Variants in BICC1 observed in about 807,000 individuals in gnomAD.
BICC1 encodes BicC family RNA binding protein 1.
BICC1 carries 43 observed loss-of-function variants against 111.0 expected under a neutral mutation model. The observed-to-expected ratio is 0.39, with a 90% CI of 0.30 to 0.50. The LOEUF (loss-of-function observed/expected upper bound fraction) is 0.50. Ranked by LOEUF, BICC1 falls within the 20% of genes least tolerant of loss-of-function variation. BICC1 has a pLI of 0.88. For synonymous variants in BICC1, 467 were observed against 434.4 expected, an observed-to-expected ratio of 1.07 and a Z score of -0.93; for missense variants, 1,091 against 1,203.2, an observed-to-expected ratio of 0.91 and a Z score of 1.38.
At chr10:58,551,776 A>G (rs1432030507) in intron 1 of BICC1, among the ~76,000 whole-genome samples, 2 of 152,116 alleles carry the variant, frequency 1.3e-5, no homozygotes, top group Non-Finnish European at 2.9e-5. Flanking sequence ...TAGGACTTTT[A>G]TGACTTCTGA....
At position 58,694,640 on chromosome 10, in the gene BICC1, C is replaced by T. The variant is rs147855210; in HGVS notation, c.238-7434C>T. Reference sequence around the variant, plus strand: ...CAGAGTTTAGCAAGTATAACCCTGGCCACTTGACGGCATTCCATTAAAACC... The same window carrying T: ...CAGAGTTTAGCAAGTATAACCCTGGTCACTTGACGGCATTCCATTAAAACC... On this transcript the variant is annotated intron_variant, in intron 2 of 20. Coordinates refer to ENST00000373886, the MANE Select transcript of BICC1 (RefSeq NM_001080512.3). Among the ~76,000 whole-genome samples, 79 of 152,212 alleles carry T rather than the reference C, an allele frequency of 5.2e-4. 2 individuals carry two copies. The East Asian group carries it at 0.014, about 28-fold the overall frequency.
chr10:58,731,126 T>A (rs979067040), intron 3 of BICC1, among the ~76,000 whole-genome samples: 2 of 149,572 alleles, frequency 1.3e-5, no homozygotes, highest in African/African-American at 5.1e-5. Context: ...GCTTAGAAAC[T>A]TTTTTTACCA....
rs535362783 is a variant in BICC1 at position 58,781,347 on chromosome 10, C to T, written c.308-3654C>T. Among the ~76,000 whole-genome samples the T allele has an allele frequency of 4.6e-5, 7 of 152,260 alleles. No individual in the cohort carries two copies. The East Asian group carries it at 5.8e-4, about 13-fold the overall frequency. On this transcript the variant is annotated intron_variant, in intron 3 of 20. Coordinates refer to ENST00000373886, the MANE Select transcript of BICC1 (RefSeq NM_001080512.3). ...CATTTCCTAAATTATAGGTGCCATC[C>T]GTTCATTCAGCAACAGCTTATTGAG...
At position 58,830,381 on chromosome 10, in the gene BICC1, G is replaced by A. The variant is rs971121009; in HGVS notation, c.*1490G>A. 1 of 152,116 alleles carries A rather than the reference G, an allele frequency of 6.6e-6. No individual in the cohort carries two copies. The highest frequency in any genetic ancestry group is 1.5e-5 in the Non-Finnish European group (1 of 68,010). 9.4% of individuals were successfully genotyped at this position (152,116 alleles called of 1,614,324 possible). On this transcript the variant is annotated 3_prime_UTR_variant, in exon 21 of 21. Coordinates refer to ENST00000373886, the MANE Select transcript of BICC1 (RefSeq NM_001080512.3). ...ACTTTCCCATAGGAAATGTTGTCAA[G>A]TTACCTGTACTGTAAAGAGTTATTT...
At position 58,715,000 on chromosome 10, in the gene BICC1, G is replaced by T. The variant is rs1840692936; in HGVS notation, c.307+12857G>T. On this transcript the variant is annotated intron_variant, in intron 3 of 20. Coordinates refer to ENST00000373886, the MANE Select transcript of BICC1 (RefSeq NM_001080512.3). ...TGAGGCAGGAGAATTGCTTGAACCC[G>T]GGAGGTGGAGTGAGCCAAGATCTAA... is the stretch of plus-strand genomic sequence containing the variant. Among the ~76,000 whole-genome samples, 3 of 151,788 alleles carry T rather than the reference G, an allele frequency of 2.0e-5. No homozygotes were observed. In the South Asian group the frequency reaches 6.2e-4, roughly 32 times the overall value.
rs142735854 is a variant in BICC1 at position 58,760,649 on chromosome 10, C to G, written c.308-24352C>G. ...GAGACTCATACAGACATAAATTGAA[C>G]ACGTGTTAAAGATTTTATGAATCTT... is the stretch of plus-strand genomic sequence containing the variant. On this transcript the variant is annotated intron_variant, in intron 3 of 20. Transcript: ENST00000373886. Among the ~76,000 whole-genome samples, 915 of 152,070 alleles carry G rather than the reference C, an allele frequency of 6.0e-3. 8 individuals carry two copies. The Middle Eastern group carries it at 0.061, about 10-fold the overall frequency.
intron 1 of BICC1, among the ~76,000 whole-genome samples, chr10:58,614,660 G>A (rs1845542718): frequency 6.6e-6 from 1 of 152,080 alleles, no homozygotes; most frequent in South Asian, 2.1e-4. Context: ...TATTCATCTG[G>A]AGGTTGAAGG....
At chr10:58,557,338 C>T (rs1843478969) in intron 1 of BICC1, among the ~76,000 whole-genome samples, 2 of 127,180 alleles carry the variant, frequency 1.6e-5, no homozygotes, top group Admixed American at 2.0e-4. Context: ...TGATATATGA[C>T]AGCGTCTTTT....
chr10:58,527,872 G>A (rs1842586181), intron 1 of BICC1, among the ~76,000 whole-genome samples: 1 of 151,902 alleles, frequency 6.6e-6, no homozygotes, highest in African/African-American at 2.4e-5. Context: ...GAATGCAGGT[G>A]TTGCAAAGCT....
chr10:58,560,233 T>C (rs1278386696), intron 1 of BICC1, among the ~76,000 whole-genome samples: 1 of 152,050 alleles, frequency 6.6e-6, no homozygotes, highest in African/African-American at 2.4e-5. Flanking sequence ...ACTGACTCAA[T>C]CTCCTTACTC....
At chr10:58,580,244 G>A (rs988755502) in intron 1 of BICC1, among the ~76,000 whole-genome samples, 3 of 152,068 alleles carry the variant, frequency 2.0e-5, no homozygotes, top group East Asian at 1.9e-4. Flanking sequence ...GGTTGGTCTC[G>A]AACTCCTGTC....
At chr10:58,672,845 G>A (rs540071681) in intron 2 of BICC1, among the ~76,000 whole-genome samples, 31 of 152,208 alleles carry the variant, frequency 2.0e-4, no homozygotes, top group Non-Finnish European at 3.8e-4. Context: ...GTTATATTGA[G>A]GGAATTTGAA....
intron 2 of BICC1, among the ~76,000 whole-genome samples, chr10:58,653,404 A>G (rs1588975813): frequency 6.6e-6 from 1 of 152,144 alleles, no homozygotes; most frequent in Admixed American, 6.6e-5. Context: ...CAAATGCTTG[A>G]TAAATCACAT....
At chr10:58,515,645 G>A (rs1469643183) in intron 1 of BICC1, among the ~76,000 whole-genome samples, 1 of 152,204 alleles carries the variant, frequency 6.6e-6, no homozygotes, top group Non-Finnish European at 1.5e-5. Context: ...AAACACAAGT[G>A]TGAGCACTGG....
At chr10:58,593,708 C>G (rs1039395929) in intron 1 of BICC1, among the ~76,000 whole-genome samples, 4 of 151,986 alleles carry the variant, frequency 2.6e-5, no homozygotes, top group Non-Finnish European at 5.9e-5. Flanking sequence ...ACTCAAAGAC[C>G]CCATCCGAAG....
In BICC1 at chr10:58,601,142, ATATATATATATATAT is replaced by A. The variant is rs1588913689; in HGVS notation, c.191-19712_191-19698del. ...TTTTTAGGCAGTCATTTTAAAACTTATATATATATATATATATATATATATATATCTCCCAATAAA... is the reference window on the plus strand; with the variant it reads ...TTTTTAGGCAGTCATTTTAAAACTTAATATATATATATATCTCCCAATAAA... On this transcript the variant is annotated intron_variant, in intron 1 of 20. Coordinates refer to ENST00000373886, the MANE Select transcript of BICC1 (RefSeq NM_001080512.3). 4.2e-5 allele frequency among the ~76,000 whole-genome samples: 5 copies of A among 119,520 alleles called. 1 individual carries two copies. The highest frequency in any genetic ancestry group is 3.0e-4 in the South Asian group (1 of 3,304). 78.4% of individuals were successfully genotyped at this position (119,520 alleles called of 152,430 possible).
At chr10:58,737,606 A>G (rs1427168987) in intron 3 of BICC1, among the ~76,000 whole-genome samples, 4 of 152,188 alleles carry the variant, frequency 2.6e-5, no homozygotes, top group African/African-American at 9.7e-5. Context: ...TCCTTTGGGT[A>G]TATACCCAGC....
At position 58,521,793 on chromosome 10, in the gene BICC1, T is replaced by G. The variant is rs1324865268; in HGVS notation, c.190+8460T>G. Reference sequence around the variant, plus strand: ...GTTTTTTTTTTTTTTTTTTTTTTTTTTTTTTTTTTTTTTGAGGGAGTACAC... The same window carrying G: ...GTTTTTTTTTTTTTTTTTTTTTTTTGTTTTTTTTTTTTTGAGGGAGTACAC... On this transcript the variant is annotated intron_variant, in intron 1 of 20. Coordinates refer to ENST00000373886, the MANE Select transcript of BICC1 (RefSeq NM_001080512.3). Among the ~76,000 whole-genome samples the G allele has an allele frequency of 3.0e-5, 2 of 66,392 alleles. 1 individual carries two copies. Among genetic ancestry groups the G allele is most frequent in the African/African-American group, 1.5e-4 (2 of 13,476 alleles). The allele number at this position is 66,392 out of a possible 152,430, so 43.6% of individuals were successfully genotyped here.
chr10:58,796,236 G>C lies in BICC1; in HGVS notation c.1180-104G>C, dbSNP rs988376843. The C allele has an allele frequency of 3.2e-6, 3 of 951,042 alleles. No individual in the cohort carries two copies. The Admixed American group carries it at 7.1e-5, about 22-fold the overall frequency. The allele number at this position is 951,042 out of a possible 1,614,324, so 58.9% of individuals were successfully genotyped here. A position where few individuals can be genotyped will look rare whatever the true frequency, so the allele number is the denominator to read the frequency against. On this transcript the variant is annotated intron_variant, in intron 9 of 20. Transcript: ENST00000373886. ...AAAGCAGCATTGATATGTCCCCTGA[G>C]TGGAATTCTTATTAGCGTATTCATT...
Sources: gnomAD v4.1 joint callset for allele counts (sites outside exome capture counted in the v4.1 genomes callset) on GRCh38, gnomAD v4.1.1 for gene constraint, MANE v1.5 for transcripts, NCBI Gene and HGNC (gene_info 2026-07-23, HGNC 2026-07-21) for gene names.